The following DHRS7 variants were observed in gnomAD, a reference collection of about 807,000 sequenced individuals.
DHRS7 encodes the protein dehydrogenase/reductase SDR family member 7.
Under a neutral mutation model 38.9 loss-of-function variants are expected in DHRS7, and 34 were observed. The observed-to-expected ratio is 0.87, with a 90% CI of 0.66 to 1.16. DHRS7 has a LOEUF of 1.16. DHRS7 is among the 50% of genes most tolerant of loss of function. The probability of loss-of-function intolerance (pLI) is 0.00; values close to 1 mark genes in which losing one functional copy is unlikely to be tolerated. For missense variants in DHRS7, 421 were observed against 407.0 expected, an observed-to-expected ratio of 1.03 and a Z score of -0.30; for synonymous variants, 158 against 153.1, an observed-to-expected ratio of 1.03 and a Z score of -0.24.
Position 60,155,981 on chromosome 14 carries a change from C to T in DHRS7, c.286+19G>A. 4 of 1,513,086 alleles carry T rather than the reference C, an allele frequency of 2.6e-6. No homozygotes were observed. The highest frequency in any genetic ancestry group is 3.5e-6 in the Non-Finnish European group (4 of 1,128,322). The allele number at this position is 1,513,086 out of a possible 1,614,324, so 93.7% of individuals were successfully genotyped here. Reference sequence around the variant, plus strand: ...GATTTATTTCTAGGAAGCACCGCTGCTATTTCAGATCCGCTTACCTAGGCA... The same window carrying T: ...GATTTATTTCTAGGAAGCACCGCTGTTATTTCAGATCCGCTTACCTAGGCA... On this transcript the variant is annotated intron_variant, in intron 2 of 6. Coordinates refer to ENST00000557185, the MANE Select transcript of DHRS7 (RefSeq NM_016029.4).
chr14:60,150,191 A>C lies in DHRS7; in HGVS notation c.634-4T>G. 2.1e-6 allele frequency: 3 copies of C among 1,446,402 alleles called. No homozygotes were observed. The highest frequency in any genetic ancestry group is 2.5e-5 in the East Asian group (1 of 39,814). 89.6% of individuals were successfully genotyped at this position (1,446,402 alleles called of 1,614,324 possible). A position where few individuals can be genotyped will look rare whatever the true frequency, so the allele number is the denominator to read the frequency against. On this transcript the variant is annotated splice_region_variant and splice_polypyrimidine_tract_variant and intron_variant, in intron 4 of 6. Transcript: ENST00000557185. ...TTCGAAGGCCATTAAAAAAACCCTA[A>C]CAGACAAAAAAAAAAAAAAAGGAAA...
At chr14:60,157,340 A>C (rs1287704457) in intron 1 of DHRS7, among the ~76,000 whole-genome samples, 1 of 152,206 alleles carries the variant, frequency 6.6e-6, no homozygotes, top group East Asian at 1.9e-4. Flanking sequence ...CATGGAAAGC[A>C]CTCAGGGCAG....
At chr14:60,155,917 C>A in intron 2 of DHRS7, 83 bp downstream of exon 2, 1 of 1,302,398 alleles carries the variant, frequency 7.7e-7, no homozygotes, top group South Asian at 2.4e-5. Flanking sequence ...AAATCTCACT[C>A]CTCTCTAAAA....
chr14:60,150,257 A>T (rs938532625), intron 4 of DHRS7, 70 bp from the exon 5 acceptor site: 9 of 1,371,388 alleles, frequency 6.6e-6, no homozygotes, highest in Middle Eastern at 3.9e-4. Context: ...GATTTATCAA[A>T]ATATGTTCTA....
At position 60,153,095 on chromosome 14, in the gene DHRS7, T is replaced by C; in HGVS notation, c.477A>G (p.Ile159Met). The C allele has an allele frequency of 6.2e-7, 1 of 1,613,252 alleles. No individual in the cohort carries two copies. The highest frequency in any genetic ancestry group is 8.5e-7 in the Non-Finnish European group (1 of 1,179,150). Residue 159 changes from isoleucine (I) to methionine (M), a missense_variant, in exon 4 of 7, where the codon ATA (isoleucine) becomes ATG (methionine). Physicochemically the swap from Ile to Met is conservative, Grantham distance 10 (BLOSUM62 1). Transcript: ENST00000557185. The surrounding 1 kb of genome is among the most constrained non-coding windows in gnomAD (Gnocchi z 4.4). ...DTSLDVYRKL[I>M]ELNYLGTVSL... Reference sequence around the variant, plus strand: ...ACACCGTCCCTAAGTAGTTAAGCTCTATTAGCTTTCTGTAGACATCCAAGC... The same window carrying C: ...ACACCGTCCCTAAGTAGTTAAGCTCCATTAGCTTTCTGTAGACATCCAAGC...
At chr14:60,156,879 TAA>T (rs1896670015) in intron 1 of DHRS7, among the ~76,000 whole-genome samples, 1 of 152,212 alleles carries the variant, frequency 6.6e-6, no homozygotes, top group Non-Finnish European at 1.5e-5. Context: ...ATGTTCCTCT[TAA>T]AAGACTACAA....
Position 60,146,007 on chromosome 14 carries a change from AAG to A in DHRS7, c.973-996_973-995del, listed in dbSNP as rs1184917074. The A allele has an allele frequency of 3.3e-5, 5 of 149,776 alleles. No individual in the cohort carries two copies. Among genetic ancestry groups the A allele is most frequent in the Non-Finnish European group, 7.4e-5 (5 of 67,514 alleles). The allele number at this position is 149,776 out of a possible 1,614,324, so 9.3% of individuals were successfully genotyped here. On this transcript the variant is annotated intron_variant, in intron 6 of 6. Coordinates refer to ENST00000557185, the MANE Select transcript of DHRS7 (RefSeq NM_016029.4). The surrounding 1 kb of genome is among the most constrained non-coding windows in gnomAD (Gnocchi z 4.9). Reference sequence around the variant, plus strand: ...TTTCTTAACTTAGACGCTTATCAATAAGAAAATTTATATATATACATATATAT... The same window carrying A: ...TTTCTTAACTTAGACGCTTATCAATAAAAATTTATATATATACATATATAT...
chr14:60,164,156 G>A (rs935379746), intron 1 of DHRS7, among the ~76,000 whole-genome samples: 3 of 150,804 alleles, frequency 2.0e-5, no homozygotes, highest in African/African-American at 7.3e-5. Context: ...CTTTGGAGGG[G>A]CACAAACCAC....
Position 60,146,089 on chromosome 14 carries a change from T to C in DHRS7, c.973-1076A>G, listed in dbSNP as rs1336321202. The C allele has an allele frequency of 1.3e-5, 2 of 151,300 alleles. No individual in the cohort carries two copies. The highest frequency in any genetic ancestry group is 3.9e-4 in the East Asian group (2 of 5,162). The allele number at this position is 151,300 out of a possible 1,614,324, so 9.4% of individuals were successfully genotyped here. On this transcript the variant is annotated intron_variant, in intron 6 of 6. Coordinates refer to ENST00000557185, the MANE Select transcript of DHRS7 (RefSeq NM_016029.4). This position sits in a 1 kb window ranked among gnomAD's most constrained non-coding sequence, Gnocchi z 4.9. ...GTACAGACTATAAAGAATGAGGTAT[T>C]ATGTCCTAAAAATTGCTTTGAGAAA... is the stretch of plus-strand genomic sequence containing the variant.
At chr14:60,163,434 A>G (rs539540293) in intron 1 of DHRS7, among the ~76,000 whole-genome samples, 1 of 152,270 alleles carries the variant, frequency 6.6e-6, no homozygotes, top group East Asian at 1.9e-4. Flanking sequence ...GATTGCAGGT[A>G]CATGCCACCA....
chr14:60,149,573 G>A lies in DHRS7; in HGVS notation c.757-5C>T, dbSNP rs779212069. 2 of 1,581,870 alleles carry A rather than the reference G, an allele frequency of 1.3e-6. No homozygotes were observed. Among genetic ancestry groups the A allele is most frequent in the Non-Finnish European group, 1.7e-6 (2 of 1,165,260 alleles). On this transcript the variant is annotated splice_polypyrimidine_tract_variant and splice_region_variant and intron_variant, in intron 5 of 6. Transcript: ENST00000557185. ...GTCTCCATTATTGCCTATAGTCTAA[G>A]AAAAGTTAAAAATTAAGTGAATTTA...
chr14:60,160,110 G>A (rs1178891881), intron 1 of DHRS7, among the ~76,000 whole-genome samples: 1 of 152,114 alleles, frequency 6.6e-6, no homozygotes, highest in Non-Finnish European at 1.5e-5. Context: ...AGGATCACCT[G>A]AGATCAGGAG....
At chr14:60,155,077 T>C (rs966406414) in intron 2 of DHRS7, among the ~76,000 whole-genome samples, 2 of 152,104 alleles carry the variant, frequency 1.3e-5, no homozygotes, top group Non-Finnish European at 2.9e-5. Flanking sequence ...GTTGGAAAAT[T>C]CAAAATTATC....
At chr14:60,157,784 C>T (rs1896687349) in intron 1 of DHRS7, among the ~76,000 whole-genome samples, 1 of 152,086 alleles carries the variant, frequency 6.6e-6, no homozygotes. Context: ...CTGGCAGAGC[C>T]GGGATATAAG....
rs1391985707 is a variant in DHRS7, at chr14:60,162,697, A to G, written c.133+2480T>C. Reference sequence around the variant, plus strand: ...CAGTCTGAGCTGTTTTGGGAATCTGAGTCTATTTCAATTTTCCTTTAATCT... The same window carrying G: ...CAGTCTGAGCTGTTTTGGGAATCTGGGTCTATTTCAATTTTCCTTTAATCT... On this transcript the variant is annotated intron_variant, in intron 1 of 6. Coordinates refer to ENST00000557185, the MANE Select transcript of DHRS7 (RefSeq NM_016029.4). This position sits in a 1 kb window ranked among gnomAD's most constrained non-coding sequence, Gnocchi z 4.5. Among the ~76,000 whole-genome samples the G allele has an allele frequency of 6.6e-6, 1 of 151,684 alleles. No homozygotes were observed. Among genetic ancestry groups the G allele is most frequent in the Non-Finnish European group, 1.5e-5 (1 of 67,942 alleles).
Position 60,153,979 on chromosome 14 carries a change from C to T in DHRS7, c.373G>A (p.Val125Ile). The change falls in exon 3 of 7, where the codon GTT (valine) becomes ATT (isoleucine). Residue 125 changes from valine to isoleucine, a missense_variant. By Grantham distance (29) the Val-to-Ile change is conservative. Transcript: ENST00000557185. This position sits in a 1 kb window ranked among gnomAD's most constrained non-coding sequence, Gnocchi z 4.4. Reference protein sequence around the residue: ...TGSHEAATKAVLQEFGRIDIL... With the variant: ...TGSHEAATKAILQEFGRIDIL... ...CTTACTCTACCAAACTCCTGGAGAA[C>T]AGCTTTGGTAGCCGCTTCATGGGAA... 2 of 1,613,994 alleles carry T rather than the reference C, an allele frequency of 1.2e-6. No homozygotes were observed. Among genetic ancestry groups the T allele is most frequent in the Non-Finnish European group, 1.7e-6 (2 of 1,179,894 alleles).
chr14:60,162,767 C>CT lies in DHRS7; in HGVS notation c.133+2409dup, dbSNP rs900284524. Reference sequence around the variant, plus strand: ...TACCTCCACCAGGAGTCTTTTTAGACTTTTTTTTCCCCTAAAACTCTCCTG... The same window carrying CT: ...TACCTCCACCAGGAGTCTTTTTAGACTTTTTTTTTCCCCTAAAACTCTCCTG... On this transcript the variant is annotated intron_variant, in intron 1 of 6. Coordinates refer to ENST00000557185, the MANE Select transcript of DHRS7 (RefSeq NM_016029.4). This position sits in a 1 kb window ranked among gnomAD's most constrained non-coding sequence, Gnocchi z 4.5. Among the ~76,000 whole-genome samples the CT allele has an allele frequency of 1.3e-5, 2 of 151,878 alleles. No individual in the cohort carries two copies. The highest frequency in any genetic ancestry group is 2.4e-5 in the African/African-American group (1 of 41,306).
At chr14:60,168,570 C>A (rs1352655334), upstream of DHRS7, 2 of 1,208,156 alleles carry the variant, frequency 1.7e-6, no homozygotes, top group Admixed American at 2.9e-5. Flanking sequence ...AATCTATAAT[C>A]ATTTTAAAGT....
intron 2 of DHRS7, 49 bp from the exon 3 acceptor site, chr14:60,154,114 A>C (rs1226183108): frequency 6.8e-7 from 1 of 1,472,488 alleles, no homozygotes; most frequent in South Asian, 1.2e-5. Flanking sequence ...AGTTCAGTCA[A>C]GCTCCTTGCT....
Sources: gnomAD v4.1 joint callset for allele counts (sites outside exome capture counted in the v4.1 genomes callset) on GRCh38, gnomAD v4.1.1 for gene constraint, Gnocchi (gnomAD v3.1) non-coding constraint, MANE v1.5 for transcripts, NCBI Gene and HGNC (gene_info 2026-07-23, HGNC 2026-07-21) for gene names.